The following HEMK2 variants were observed in gnomAD, a reference collection of about 807,000 sequenced individuals.
The protein encoded by HEMK2 is HemK methyltransferase 2, ETF1 glutamine and histone H4 lysine, also known as methyltransferase HEMK2.
At chr21:28,654,532 G>A in the HEMK2 span, among the ~76,000 whole-genome samples, 2 of 152,048 alleles carry the variant, frequency 1.3e-5, no homozygotes, top group Non-Finnish European at 2.9e-5. Context: ...GAAAGCATAA[G>A]AATTGTTTCT....
chr21:28,617,087 C>T, the HEMK2 span, among the ~76,000 whole-genome samples: 1 of 152,152 alleles, frequency 6.6e-6, no homozygotes, highest in Non-Finnish European at 1.5e-5. Flanking sequence ...AGAAGCCAGA[C>T]AGTGAAGTAC....
At chr21:28,623,709 C>T in the HEMK2 span, among the ~76,000 whole-genome samples, 2 of 152,126 alleles carry the variant, frequency 1.3e-5, no homozygotes, top group African/African-American at 2.4e-5. Flanking sequence ...TGGAAACCAT[C>T]ATTCTCAGCA....
chr21:28,676,586 GCA>G, the HEMK2 span, among the ~76,000 whole-genome samples: 1 of 152,160 alleles, frequency 6.6e-6, no homozygotes, highest in African/African-American at 2.4e-5. Flanking sequence ...CAACTGGCCT[GCA>G]CACTGGGAGG....
the HEMK2 span, among the ~76,000 whole-genome samples, chr21:28,733,609 AC>A: frequency 6.6e-6 from 1 of 151,664 alleles, no homozygotes; most frequent in Non-Finnish European, 1.5e-5. Flanking sequence ...TCTCTGGGTC[AC>A]CAATGTTTTG....
chr21:28,759,558 T>C, the HEMK2 span, among the ~76,000 whole-genome samples: 1 of 152,120 alleles, frequency 6.6e-6, no homozygotes, highest in African/African-American at 2.4e-5. Flanking sequence ...GCATGATTGA[T>C]TCTGAAATGT....
At chr21:28,717,412 G>C in the HEMK2 span, among the ~76,000 whole-genome samples, 2 of 151,230 alleles carry the variant, frequency 1.3e-5, no homozygotes, top group East Asian at 1.9e-4. Context: ...TGTATACCTA[G>C]AAGTGTTCAT....
chr21:28,741,339 A>G, the HEMK2 span, among the ~76,000 whole-genome samples: 76,758 of 152,020 alleles, frequency 0.5, 20,955 homozygotes, highest in East Asian at 0.78. Context: ...GGCAGGAGAG[A>G]GAAAATGTGT....
the HEMK2 span, among the ~76,000 whole-genome samples, chr21:28,652,774 G>A: frequency 1.3e-5 from 2 of 152,058 alleles, no homozygotes; most frequent in Admixed American, 6.6e-5. Context: ...AAAGACCACA[G>A]CATTTATTTC....
chr21:28,767,591 T>TG, the HEMK2 span, among the ~76,000 whole-genome samples: 1 of 152,050 alleles, frequency 6.6e-6, no homozygotes, highest in Non-Finnish European at 1.5e-5. Context: ...ATAATACCCT[T>TG]GATAATGAAA....
the HEMK2 span, among the ~76,000 whole-genome samples, chr21:28,713,785 G>C: frequency 6.6e-6 from 1 of 152,210 alleles, no homozygotes; most frequent in Non-Finnish European, 1.5e-5. Context: ...CTGTGAAGAT[G>C]GCACATAGCA....
chr21:28,786,723 C>CCAGA, the HEMK2 span, among the ~76,000 whole-genome samples: 9 of 151,418 alleles, frequency 5.9e-5, no homozygotes, highest in African/African-American at 2.2e-4. Flanking sequence ...TTCTCTGTTG[C>CCAGA]CAGATACATT....
the HEMK2 span, among the ~76,000 whole-genome samples, chr21:28,790,100 A>G: frequency 2.4e-4 from 37 of 152,322 alleles, no homozygotes; most frequent in African/African-American, 8.4e-4. Flanking sequence ...ATGGCTAATC[A>G]TTTTATAATA....
the HEMK2 span, among the ~76,000 whole-genome samples, chr21:28,694,168 G>A: frequency 6.6e-6 from 1 of 152,136 alleles, no homozygotes; most frequent in South Asian, 2.1e-4. Flanking sequence ...CAAGCACACT[G>A]GGCATTCATA....
At chr21:28,683,345 C>T in the HEMK2 span, among the ~76,000 whole-genome samples, 3 of 152,016 alleles carry the variant, frequency 2.0e-5, no homozygotes, top group Non-Finnish European at 4.4e-5. Flanking sequence ...AATGTATGAA[C>T]GCTTATCACT....
At chr21:28,751,986 AT>A in the HEMK2 span, among the ~76,000 whole-genome samples, 24,296 of 152,118 alleles carry the variant, frequency 0.16, 2,187 homozygotes, top group East Asian at 0.25. Flanking sequence ...GAAAAAAAAA[AT>A]GTTTGTTTTA....
At chr21:28,697,019 T>TC in the HEMK2 span, among the ~76,000 whole-genome samples, 2 of 151,716 alleles carry the variant, frequency 1.3e-5, no homozygotes, top group African/African-American at 4.9e-5. Context: ...CATTTTTTTT[T>TC]CTCCTAGGCC....
At chr21:28,698,029 C>T in the HEMK2 span, among the ~76,000 whole-genome samples, 2 of 152,166 alleles carry the variant, frequency 1.3e-5, no homozygotes, top group African/African-American at 4.8e-5. Context: ...GGTGAACAAG[C>T]TCCTGTGGGC....
At chr21:28,617,374 C>T in the HEMK2 span, among the ~76,000 whole-genome samples, 1 of 152,204 alleles carries the variant, frequency 6.6e-6, no homozygotes, top group Non-Finnish European at 1.5e-5. Flanking sequence ...GCATGACATG[C>T]TAAGATTATG....
At chr21:28,859,753 C>T in the HEMK2 span, among the ~76,000 whole-genome samples, 2 of 152,124 alleles carry the variant, frequency 1.3e-5, no homozygotes, top group Non-Finnish European at 2.9e-5. Flanking sequence ...GCCCTCACCA[C>T]CCCAGACCTG....
Sources: allele counts gnomAD v4.1 joint callset (sites outside exome capture counted in the v4.1 genomes callset), GRCh38; gene constraint gnomAD v4.1.1; transcripts MANE v1.5; gene names NCBI Gene and HGNC (gene_info 2026-07-23, HGNC 2026-07-21).